Variants in ADORA2B observed in about 807,000 individuals in gnomAD.
ADORA2B encodes the protein adenosine A2b receptor, also known as adenosine receptor A2b.
ADORA2B carries 18 observed loss-of-function variants against 20.8 expected under a neutral mutation model. That is an observed-to-expected ratio of 0.87 (90% CI 0.60 to 1.29). The LOEUF is 1.29. Among genes scored for constraint, ADORA2B ranks in the 50% most tolerant of loss-of-function variants. The pLI, the probability that ADORA2B is intolerant of heterozygous loss-of-function variation, is 0.00. For missense variants in ADORA2B, 441 were observed against 422.7 expected, an observed-to-expected ratio of 1.04 and a Z score of -0.38; for synonymous variants, 179 against 178.3, an observed-to-expected ratio of 1.00 and a Z score of -0.03.
the ADORA2B span, among the ~76,000 whole-genome samples, chr17:15,918,484 G>GT: frequency 7.9e-5 from 12 of 152,082 alleles, no homozygotes; most frequent in Non-Finnish European, 1.3e-4. Flanking sequence ...CTTTTTGTTT[G>GT]TTTTTTTGAG....
chr17:15,957,229 G>A (rs1969978048), intron 1 of ADORA2B, among the ~76,000 whole-genome samples: 1 of 152,228 alleles, frequency 6.6e-6, no homozygotes, highest in Non-Finnish European at 1.5e-5. Context: ...CAGCAGTCTG[G>A]AGCAGAGGAG....
the ADORA2B span, among the ~76,000 whole-genome samples, chr17:15,878,598 C>T: frequency 1.3e-5 from 2 of 152,180 alleles, no homozygotes; most frequent in African/African-American, 4.8e-5. Flanking sequence ...ATTTATACCT[C>T]TTGTACTTTT....
chr17:15,881,295 G>A, the ADORA2B span, among the ~76,000 whole-genome samples: 1 of 152,058 alleles, frequency 6.6e-6, no homozygotes, highest in Admixed American at 6.5e-5. Context: ...TAGAGACGGG[G>A]TTTCACTGTG....
the ADORA2B span, among the ~76,000 whole-genome samples, chr17:15,850,827 A>C: frequency 6.6e-6 from 1 of 152,162 alleles, no homozygotes; most frequent in Admixed American, 6.5e-5. Context: ...CGTTAGTCCA[A>C]CACTTACTCA....
At chr17:15,947,307 C>T (rs1028186881) in intron 1 of ADORA2B, among the ~76,000 whole-genome samples, 1 of 152,166 alleles carries the variant, frequency 6.6e-6, no homozygotes, top group Non-Finnish European at 1.5e-5. Context: ...AATGGAAACC[C>T]CTTGGACTTG....
the ADORA2B span, among the ~76,000 whole-genome samples, chr17:15,919,108 T>G: frequency 1.3e-5 from 2 of 152,128 alleles, no homozygotes; most frequent in African/African-American, 4.8e-5. Flanking sequence ...GCAGATACAC[T>G]CCAGATGCAG....
chr17:15,930,378 C>T, the ADORA2B span, among the ~76,000 whole-genome samples: 1 of 151,342 alleles, frequency 6.6e-6, no homozygotes, highest in Non-Finnish European at 1.5e-5. Context: ...CTCACTGCAG[C>T]CTCCGCCTCC....
chr17:15,880,761 G>A, the ADORA2B span, among the ~76,000 whole-genome samples: 2 of 152,174 alleles, frequency 1.3e-5, no homozygotes, highest in African/African-American at 4.8e-5. Context: ...TTTGTGAGCT[G>A]ACGCTTCTGC....
chr17:15,913,569 C>A, the ADORA2B span, among the ~76,000 whole-genome samples: 2 of 152,236 alleles, frequency 1.3e-5, no homozygotes, highest in African/African-American at 4.8e-5. Flanking sequence ...GCTACTATCA[C>A]TTATGGTATC....
intron 1 of ADORA2B, chr17:15,974,342 T>A (rs1200717254): frequency 4.4e-6 from 1 of 229,384 alleles, no homozygotes; most frequent in East Asian, 9.0e-5. Flanking sequence ...TAACTTCCTA[T>A]GACATATACT....
At chr17:15,879,258 C>G in the ADORA2B span, among the ~76,000 whole-genome samples, 1 of 152,124 alleles carries the variant, frequency 6.6e-6, no homozygotes, top group Non-Finnish European at 1.5e-5. Context: ...TGAGACCAAT[C>G]AGGTCAACAT....
At chr17:15,893,350 A>G in the ADORA2B span, among the ~76,000 whole-genome samples, 1 of 152,296 alleles carries the variant, frequency 6.6e-6, no homozygotes, top group African/African-American at 2.4e-5. Context: ...TTCCCTGGGG[A>G]AAAATAATGT....
chr17:15,854,800 A>G, the ADORA2B span, among the ~76,000 whole-genome samples: 1 of 152,228 alleles, frequency 6.6e-6, no homozygotes, highest in Non-Finnish European at 1.5e-5. Flanking sequence ...TAATGCTTAT[A>G]TCAATATCAA....
chr17:15,851,525 C>T, the ADORA2B span, among the ~76,000 whole-genome samples: 1 of 152,134 alleles, frequency 6.6e-6, no homozygotes. Context: ...ATCTCCACTT[C>T]CCTGCCACAG....
At chr17:15,919,990 C>T in the ADORA2B span, among the ~76,000 whole-genome samples, 4 of 152,148 alleles carry the variant, frequency 2.6e-5, no homozygotes, top group Admixed American at 2.0e-4. Context: ...AGTTTTAAAC[C>T]TTTTCCCTAG....
In ADORA2B at chr17:15,975,276, C is replaced by A. The variant is rs1478401877; in HGVS notation, c.933C>A (p.Cys311Ter). ...AAATTATCTCCAGGTATCTTCTCTG[C>A]CAAGCAGATGTCAAGAGTGGGAATG... ...FHKIISRYLL[C>*]QADVKSGNGQ... Residue 311 changes from cysteine to a stop codon, truncating the protein, a stop_gained, in exon 2 of 2, where the codon TGC (cysteine) becomes TGA (stop). Transcript: ENST00000304222. LOFTEE classifies it high-confidence loss of function. 1.9e-6 allele frequency: 3 copies of A among 1,613,508 alleles called. No homozygotes were observed. Among genetic ancestry groups the A allele is most frequent in the African/African-American group, 1.3e-5 (1 of 74,874 alleles).
At chr17:15,964,397 A>C (rs1031340995) in intron 1 of ADORA2B, among the ~76,000 whole-genome samples, 3 of 151,610 alleles carry the variant, frequency 2.0e-5, no homozygotes, top group African/African-American at 7.3e-5. Flanking sequence ...ACCAGAGGTC[A>C]GGAGTTCGAG....
intron 1 of ADORA2B, among the ~76,000 whole-genome samples, chr17:15,956,159 A>G (rs1255770692): frequency 6.6e-6 from 1 of 152,064 alleles, no homozygotes; most frequent in Non-Finnish European, 1.5e-5. Context: ...TTTAGCATTC[A>G]TATGTTTACT....
At chr17:15,881,563 G>T in the ADORA2B span, among the ~76,000 whole-genome samples, 6 of 152,194 alleles carry the variant, frequency 3.9e-5, no homozygotes, top group South Asian at 1.2e-3. Flanking sequence ...AGCTCTGTAT[G>T]CTTTAAACAC....
Sources: gnomAD v4.1 joint callset for allele counts (sites outside exome capture counted in the v4.1 genomes callset) on GRCh38, gnomAD v4.1.1 for gene constraint, MANE v1.5 for transcripts, NCBI Gene and HGNC (gene_info 2026-07-23, HGNC 2026-07-21) for gene names.